Variants in POU6F2 observed in about 807,000 individuals in gnomAD.
POU6F2 encodes POU domain, class 6, transcription factor 2.
Under a neutral mutation model 71.3 loss-of-function variants are expected in POU6F2, and 31 were observed. The ratio of observed to expected loss-of-function variants is 0.43; its 90% confidence interval spans 0.33 to 0.59. The LOEUF (loss-of-function observed/expected upper bound fraction) is 0.59, where lower values mean the gene tolerates loss of function less well. POU6F2 is among the 20% of genes least tolerant of loss of function. The pLI is 0.04. For synonymous variants in POU6F2, 347 were observed against 355.7 expected, an observed-to-expected ratio of 0.98 and a Z score of 0.27; for missense variants, 783 against 856.8, an observed-to-expected ratio of 0.91 and a Z score of 1.07.
Position 39,204,267 on chromosome 7 carries a change from G to A in POU6F2, c.310G>A (p.Gly104Ser), listed in dbSNP as rs930897306. The A allele has an allele frequency of 1.9e-6, 3 of 1,613,708 alleles. No individual in the cohort carries two copies. Among genetic ancestry groups the A allele is most frequent in the African/African-American group, 1.3e-5 (1 of 74,904 alleles). ...ARGNPALSDP[G>S]TPDQHQASQT... ...AGGAAACCCAGCATTATCAGACCCA[G>A]GCACTCCTGACCAACACCAGGCCAG... is the stretch of plus-strand genomic sequence containing the variant. Residue 104 changes from glycine to serine, a missense_variant, in exon 3 of 10, where the codon GGC becomes AGC. Around this residue, in one of 2 missense-constraint regions of POU6F2, gnomAD observed 572 missense variants for 572.9 expected, o/e 1.00. Coordinates refer to ENST00000518318, the MANE Select transcript of POU6F2 (RefSeq NM_001370959.1).
chr7:39,271,411 A>G (rs1414260321), intron 4 of POU6F2, among the ~76,000 whole-genome samples: 1 of 152,020 alleles, frequency 6.6e-6, no homozygotes, highest in East Asian at 1.9e-4. Context: ...AGGCATGGCA[A>G]GAGAAAAAGT....
intron 1 of POU6F2, among the ~76,000 whole-genome samples, chr7:39,033,091 G>A (rs1056604139): frequency 6.6e-6 from 1 of 152,136 alleles, no homozygotes; most frequent in Non-Finnish European, 1.5e-5. Flanking sequence ...TTCCTTCAAG[G>A]ACTATTAACG....
At chr7:39,245,532 T>C (rs995407418) in intron 4 of POU6F2, among the ~76,000 whole-genome samples, 2 of 152,226 alleles carry the variant, frequency 1.3e-5, no homozygotes, top group African/African-American at 4.8e-5. Flanking sequence ...ATCAACTTTT[T>C]ACCTTCTTCT....
At chr7:39,447,182 A>T (rs1455458598) in intron 7 of POU6F2, among the ~76,000 whole-genome samples, 2 of 152,160 alleles carry the variant, frequency 1.3e-5, no homozygotes, top group Non-Finnish European at 2.9e-5. Context: ...TAAATAGGGA[A>T]CTGCAGACAA....
rs536271899 is a variant in POU6F2, at chr7:39,264,698, G to A, written c.598+57078G>A. Among the ~76,000 whole-genome samples, 21 of 152,198 alleles carry A rather than the reference G, an allele frequency of 1.4e-4. No homozygotes were observed. The South Asian group carries it at 4.1e-3, about 30-fold the overall frequency. ...TAGTCAATAAATGTTGAATGAATCA[G>A]TAAATAAATAAGTACATTCAATATA... On this transcript the variant is annotated intron_variant, in intron 4 of 9. Coordinates refer to ENST00000518318, the MANE Select transcript of POU6F2 (RefSeq NM_001370959.1).
At chr7:39,077,142 T>A (rs1393414930) in intron 1 of POU6F2, among the ~76,000 whole-genome samples, 2 of 152,216 alleles carry the variant, frequency 1.3e-5, no homozygotes, top group African/African-American at 4.8e-5. Context: ...ATAACCCCAT[T>A]ACCAAAAGAC....
rs542899028 is a variant in POU6F2, at chr7:39,041,313, A to G, written c.106-44547A>G. The stretch of plus-strand genomic sequence containing the variant: ...TATCCTGTAAAGAAGTATGATGCTT[A>G]TATAATTGAGGTATTTGTGCAAGTC... On this transcript the variant is annotated intron_variant, in intron 1 of 9. Coordinates refer to ENST00000518318, the MANE Select transcript of POU6F2 (RefSeq NM_001370959.1). Among the ~76,000 whole-genome samples the G allele has an allele frequency of 5.9e-5, 9 of 152,096 alleles. No individual in the cohort carries two copies. In the South Asian group the frequency reaches 1.9e-3, roughly 32 times the overall value.
intron 2 of POU6F2, among the ~76,000 whole-genome samples, chr7:39,147,962 T>C (rs557132086): frequency 7.7e-4 from 118 of 152,342 alleles, no homozygotes; most frequent in Middle Eastern, 3.4e-3. Flanking sequence ...AGTTTTTAAA[T>C]ACTTCAAATG....
At chr7:39,043,656 C>G (rs539258445) in intron 1 of POU6F2, among the ~76,000 whole-genome samples, 1 of 151,924 alleles carries the variant, frequency 6.6e-6, no homozygotes, top group African/African-American at 2.4e-5. Context: ...ACATGTAATG[C>G]CCACACAGAT....
At chr7:39,015,306 T>TATAATAATAGATATAATATATATTATA (rs1789443913) in intron 1 of POU6F2, among the ~76,000 whole-genome samples, 2 of 93,814 alleles carry the variant, frequency 2.1e-5, no homozygotes, top group Non-Finnish European at 5.2e-5. Context: ...TATAAATATC[T>TATAATAATAGATATAATATATATTATA]ATATATAATA....
intron 1 of POU6F2, among the ~76,000 whole-genome samples, chr7:39,058,586 C>T (rs1378701089): frequency 6.6e-6 from 1 of 152,168 alleles, no homozygotes; most frequent in Non-Finnish European, 1.5e-5. Context: ...CATTTTCAAT[C>T]TCTTAATGGT....
At chr7:39,275,341 C>A (rs1269625116) in intron 4 of POU6F2, among the ~76,000 whole-genome samples, 1 of 152,150 alleles carries the variant, frequency 6.6e-6, no homozygotes, top group Non-Finnish European at 1.5e-5. Flanking sequence ...ATCCAACCTA[C>A]AAGGGACGTG....
At chr7:39,229,503 A>G (rs976823486) in intron 4 of POU6F2, among the ~76,000 whole-genome samples, 10 of 152,244 alleles carry the variant, frequency 6.6e-5, no homozygotes, top group Non-Finnish European at 5.9e-5. Flanking sequence ...GATTCCAGAA[A>G]CACGTACAGG....
At chr7:38,986,170 T>A (rs1042541426) in intron 1 of POU6F2, among the ~76,000 whole-genome samples, 2 of 152,156 alleles carry the variant, frequency 1.3e-5, no homozygotes, top group Non-Finnish European at 2.9e-5. Context: ...TTATGACAGA[T>A]GTTTACTTAA....
chr7:39,353,290 G>A (rs1000857562), intron 5 of POU6F2, among the ~76,000 whole-genome samples: 2 of 152,152 alleles, frequency 1.3e-5, no homozygotes, highest in Non-Finnish European at 2.9e-5. Flanking sequence ...ATGAATGCAT[G>A]GGTTGACCTA....
chr7:39,464,349 G>A lies in POU6F2; in HGVS notation c.1826G>A (p.Arg609Gln), dbSNP rs542853009. The part of the protein sequence containing the change: ...SAQKIKPVLE[R>Q]WMAEAEARHR... ...CAGAAGATCAAGCCGGTGCTTGAGC[G>A]GTGGATGGCTGAGGCTGAGGCCCGC... Residue 609 changes from arginine to glutamine, a missense_variant, in exon 10 of 10, where the codon CGG becomes CAG. By Grantham distance (43) the Arg-to-Gln change is conservative (BLOSUM62 1). Coordinates refer to ENST00000518318, the MANE Select transcript of POU6F2 (RefSeq NM_001370959.1). This position sits in a 1 kb window ranked among gnomAD's most constrained non-coding sequence, Gnocchi z 4.1. The A allele has an allele frequency of 1.7e-5, 28 of 1,613,996 alleles. No individual in the cohort carries two copies. Among genetic ancestry groups the A allele is most frequent in the Admixed American group, 1.3e-4 (8 of 60,016 alleles).
intron 1 of POU6F2, among the ~76,000 whole-genome samples, chr7:38,979,904 T>C (rs1200579922): frequency 1.3e-5 from 2 of 152,154 alleles, no homozygotes; most frequent in African/African-American, 2.4e-5. Context: ...TAGTTTGTTA[T>C]TCAGTATTGT....
At chr7:39,212,092 G>A (rs1794153239) in intron 4 of POU6F2, among the ~76,000 whole-genome samples, 1 of 152,196 alleles carries the variant, frequency 6.6e-6, no homozygotes, top group Non-Finnish European at 1.5e-5. Flanking sequence ...GCTATCTCAT[G>A]TCACTGGCCA....
intron 4 of POU6F2, among the ~76,000 whole-genome samples, chr7:39,276,050 A>G (rs979595160): frequency 6.6e-6 from 1 of 152,322 alleles, no homozygotes; most frequent in Non-Finnish European, 1.5e-5. Flanking sequence ...AAATTGACAA[A>G]TGGGATCTAA....
Sources: allele counts gnomAD v4.1 joint callset (sites outside exome capture counted in the v4.1 genomes callset), GRCh38; gene constraint gnomAD v4.1.1; regional missense constraint gnomAD v4.1.1; non-coding constraint Gnocchi (gnomAD v3.1); transcripts MANE v1.5; gene names NCBI Gene and HGNC (gene_info 2026-07-23, HGNC 2026-07-21).